The following TTN variants were observed in gnomAD, a reference collection of about 807,000 sequenced individuals.
TTN encodes titin.
In TTN, 1,525 loss-of-function variants were observed where a neutral mutation model predicts 3,223.0. The observed-to-expected ratio is 0.47, with a 90% confidence interval of 0.45 to 0.49. The LOEUF is 0.49. Among genes scored for constraint, TTN ranks in the 20% least tolerant of loss-of-function variants. TTN has a pLI of 0.00. For missense variants in TTN, 40,786 were observed against 43,424.0 expected, an observed-to-expected ratio of 0.94 and a Z score of 5.40; for synonymous variants, 14,094 against 15,161.0, an observed-to-expected ratio of 0.93 and a Z score of 5.17.
rs200594798 is a variant in TTN at position 178,724,373 on chromosome 2, T to C, written c.21002A>G (p.Lys7001Arg). 1.3e-4 allele frequency: 216 copies of C among 1,613,540 alleles called. No individual in the cohort carries two copies. In the African/African-American group the frequency reaches 2.7e-3, roughly 20 times the overall value. Reference sequence around the variant, plus strand: ...TGAGAGAATCCTTAAGGAAGAGATTTTGTTGTAGAAGCTAAATTTGTGTTT... The same window carrying C: ...TGAGAGAATCCTTAAGGAAGAGATTCTGTTGTAGAAGCTAAATTTGTGTTT... Reference protein sequence around the residue: ...SQKHKFSFYNKISSLRILSVE... With the variant: ...SQKHKFSFYNRISSLRILSVE... Residue 7001 changes from lysine to arginine, a missense_variant, in exon 72 of 363, where the codon AAA becomes AGA. Coordinates refer to ENST00000589042, the MANE Select transcript of TTN (RefSeq NM_001267550.2).
chr2:178,617,510 T>G lies in TTN; in HGVS notation c.47575A>C (p.Arg15859=). ...GTTAGGTTTACAGGAGGACTTGGTCTCTCTGGAATAAAAGAAGGAGTTGGA... is the reference window on the plus strand; with the variant it reads ...GTTAGGTTTACAGGAGGACTTGGTCGCTCTGGAATAAAAGAAGGAGTTGGA... ...PFVKVADPIE[R]PSPPVNLTSS... is the part of the protein sequence containing the mutation. Residue 15859 remains arginine (R), a splice_region_variant and synonymous_variant, in exon 254 of 363, where the codon AGA becomes CGA. Coordinates refer to ENST00000589042, the MANE Select transcript of TTN (RefSeq NM_001267550.2). The G allele has an allele frequency of 6.3e-7, 1 of 1,579,002 alleles. No individual in the cohort carries two copies. The highest frequency in any genetic ancestry group is 8.6e-7 in the Non-Finnish European group (1 of 1,169,388).
At chr2:178,785,534 T>C (rs761123018) in intron 15 of TTN, 86 bp downstream of exon 15, 6 of 1,590,496 alleles carry the variant, frequency 3.8e-6, no homozygotes, top group Non-Finnish European at 4.3e-6. Context: ...GAATCCTCCA[T>C]TGGCCTACCC....
chr2:178,798,830 T>C (rs1421135841), intron 6 of TTN: 2 of 152,838 alleles, frequency 1.3e-5, no homozygotes, highest in Middle Eastern at 3.4e-3. Context: ...TTTATACTTA[T>C]TGCCCTAAAT....
chr2:178,684,651 G>A lies in TTN; in HGVS notation c.32638+15C>T, dbSNP rs1253896411. 1.2e-6 allele frequency: 2 copies of A among 1,601,226 alleles called. No individual in the cohort carries two copies. The highest frequency in any genetic ancestry group is 1.7e-6 in the Non-Finnish European group (2 of 1,175,826). On this transcript the variant is annotated intron_variant, in intron 131 of 362. Transcript: ENST00000589042. ...CCATATGTTCCTAGTTTTTCTGCTG[G>A]GGAGGTTTGTTTACCTTTGGCTGGG...
At position 178,574,217 on chromosome 2, in the gene TTN, A is replaced by T; in HGVS notation, c.71915T>A (p.Leu23972Gln). 1 of 1,613,460 alleles carries T rather than the reference A, an allele frequency of 6.2e-7. No individual in the cohort carries two copies. The highest frequency in any genetic ancestry group is 2.2e-5 in the East Asian group (1 of 44,738). The change falls in exon 326 of 363, where the codon CTG becomes CAG. Residue 23972 changes from leucine (L) to glutamine (Q), a missense_variant. Transcript: ENST00000589042. ...EKRDLPNGRW[L>Q]KANFSNILEN... is the part of the protein sequence containing the mutation. ...CAAAATGTTGCTGAAGTTGGCCTTCAGCCACCGTCCATTAGGAAGGTCTCT... is the reference window on the plus strand; with the variant it reads ...CAAAATGTTGCTGAAGTTGGCCTTCTGCCACCGTCCATTAGGAAGGTCTCT...
At chr2:178,713,698 T>G in intron 92 of TTN, 199 bp downstream of exon 92, 1 of 814,196 alleles carries the variant, frequency 1.2e-6, no homozygotes, top group Non-Finnish European at 1.8e-6. Context: ...ATTTTGGAAA[T>G]TCCTCAAAAA....
chr2:178,736,709 T>G (rs1172137007), intron 49 of TTN, among the ~76,000 whole-genome samples: 1 of 152,208 alleles, frequency 6.6e-6, no homozygotes, highest in East Asian at 1.9e-4. Flanking sequence ...TATCTGAAGC[T>G]TCAATATTAG....
At chr2:178,736,787 G>A (rs553865074) in intron 49 of TTN, among the ~76,000 whole-genome samples, 1 of 152,256 alleles carries the variant, frequency 6.6e-6, no homozygotes, top group South Asian at 2.1e-4. Context: ...ATAATATCAT[G>A]TACTTGGTTT....
At chr2:178,734,684 G>C (rs759630547) in intron 51 of TTN, 23 bp downstream of exon 51, 2 of 1,588,964 alleles carry the variant, frequency 1.3e-6, no homozygotes, top group South Asian at 1.1e-5. Context: ...GAAAAATACT[G>C]GATGGAAACT....
intron 117 of TTN, 148 bp from the exon 118 acceptor site, chr2:178,694,156 C>A: frequency 1.7e-6 from 1 of 604,946 alleles, no homozygotes; most frequent in East Asian, 2.9e-5. Flanking sequence ...GACAAGAAAA[C>A]AAATCATGTT....
chr2:178,736,842 C>A (rs1027469880), intron 49 of TTN, among the ~76,000 whole-genome samples: 1 of 152,154 alleles, frequency 6.6e-6, no homozygotes, highest in Non-Finnish European at 1.5e-5. Flanking sequence ...GTTGGGTCAT[C>A]ATGGGCCTGG....
Position 178,578,686 on chromosome 2 carries a change from T to C in TTN, c.68254A>G (p.Ile22752Val). The C allele has an allele frequency of 4.3e-6, 7 of 1,611,590 alleles. No individual in the cohort carries two copies. Among genetic ancestry groups the C allele is most frequent in the Non-Finnish European group, 5.9e-6 (7 of 1,178,978 alleles). Residue 22752 changes from isoleucine to valine, a missense_variant, in exon 321 of 363, where the codon ATT (isoleucine) becomes GTT (valine). Coordinates refer to ENST00000589042, the MANE Select transcript of TTN (RefSeq NM_001267550.2). Reference protein sequence around the residue: ...DVPDAPPPPNIVDVRHDSVSL... With the variant: ...DVPDAPPPPNVVDVRHDSVSL... ...ACTGAATCGTGTCTGACATCCACAA[T>C]ATTGGGAGGTGGGGGAGCATCAGGC...
At chr2:178,803,665 C>A (rs2094174579) in intron 2 of TTN, among the ~76,000 whole-genome samples, 1 of 150,736 alleles carries the variant, frequency 6.6e-6, no homozygotes. Context: ...AAGAAGTGGG[C>A]AATGAACCAT....
In TTN at chr2:178,667,221, A is replaced by C. The variant is rs1391493782; in HGVS notation, c.35797+15T>G. On this transcript the variant is annotated intron_variant, in intron 162 of 362. Coordinates refer to ENST00000589042, the MANE Select transcript of TTN (RefSeq NM_001267550.2). ...ATATTTTCTTCTTTAGATTTTCCTAACTAGAGAATTATACCTTCAGTTGGA... is the reference window on the plus strand; with the variant it reads ...ATATTTTCTTCTTTAGATTTTCCTACCTAGAGAATTATACCTTCAGTTGGA... 2 of 1,579,034 alleles carry C rather than the reference A, an allele frequency of 1.3e-6. No individual in the cohort carries two copies. The highest frequency in any genetic ancestry group is 2.7e-5 in the African/African-American group (2 of 73,932).
chr2:178,712,326 A>T lies in TTN; in HGVS notation c.27596T>A (p.Ile9199Lys), dbSNP rs1207087892. 1.9e-6 allele frequency: 3 copies of T among 1,613,392 alleles called. No homozygotes were observed. In the African/African-American group the frequency reaches 4.0e-5, roughly 22 times the overall value. ...CAATCATGACAAACCTAGTATGAGT[A>T]TTTGTGCTGAACAGGAATCTTTTCC... Reference protein sequence around the residue: ...ASGKDSCSAQILILEPPYFVK... With the variant: ...ASGKDSCSAQKLILEPPYFVK... Residue 9199 changes from isoleucine (I) to lysine (K), a missense_variant, in exon 95 of 363, where the codon ATA (isoleucine) becomes AAA (lysine). Ile to Lys is a moderately radical substitution (Grantham distance 102). Coordinates refer to ENST00000589042, the MANE Select transcript of TTN (RefSeq NM_001267550.2).
Position 178,722,656 on chromosome 2 carries a change from C to T in TTN, c.22240+3G>A, listed in dbSNP as rs768904155. ...ATTTTTTTAATTTGTAAAATATCAT[C>T]ACCTTGAATTCTGAACACAGTCTTA... On this transcript the variant is annotated splice_donor_region_variant and intron_variant, in intron 76 of 362. Coordinates refer to ENST00000589042, the MANE Select transcript of TTN (RefSeq NM_001267550.2). 33 of 1,596,538 alleles carry T rather than the reference C, an allele frequency of 2.1e-5. No homozygotes were observed. The East Asian group carries it at 7.2e-4, about 35-fold the overall frequency.
intron 218 of TTN, 92 bp from the exon 219 acceptor site, chr2:178,642,409 T>A: frequency 9.2e-7 from 1 of 1,082,064 alleles, no homozygotes; most frequent in Non-Finnish European, 1.3e-6. Context: ...TAGTTAACTG[T>A]AGTGCATTAA....
At position 178,779,466 on chromosome 2, in the gene TTN, T is replaced by G; in HGVS notation, c.3730-4A>C. Reference sequence around the variant, plus strand: ...CAAAGGAAGAAATATGGAATTCCTATGCAAAAAGATTATGGTCTGTTAAAA... The same window carrying G: ...CAAAGGAAGAAATATGGAATTCCTAGGCAAAAAGATTATGGTCTGTTAAAA... On this transcript the variant is annotated splice_polypyrimidine_tract_variant and splice_region_variant and intron_variant, in intron 22 of 362. Transcript: ENST00000589042. The G allele has an allele frequency of 6.8e-7, 1 of 1,473,476 alleles. No homozygotes were observed. Among genetic ancestry groups the G allele is most frequent in the Non-Finnish European group, 9.4e-7 (1 of 1,058,488 alleles). 91.3% of individuals were successfully genotyped at this position (1,473,476 alleles called of 1,614,324 possible). A position where few individuals can be genotyped will look rare whatever the true frequency, so the allele number is the denominator to read the frequency against.
Position 178,565,702 on chromosome 2 carries a change from G to C in TTN, c.80430C>G (p.Ser26810Arg). ...MWEKPEHDGG[S>R]RVLGYVVEMQ... ...TTTCAACAACGTACCCCAGGACTCT[G>C]CTACCGCCATCATGTTCAGGTTTCT... Residue 26810 changes from serine (S) to arginine (R), a missense_variant, in exon 326 of 363, where the codon AGC becomes AGG. Ser to Arg is a moderately radical substitution (Grantham distance 110). Coordinates refer to ENST00000589042, the MANE Select transcript of TTN (RefSeq NM_001267550.2). 6.2e-7 allele frequency: 1 copy of C among 1,613,564 alleles called. No homozygotes were observed. The highest frequency in any genetic ancestry group is 1.3e-5 in the African/African-American group (1 of 74,962).
Sources: allele counts gnomAD v4.1 joint callset (sites outside exome capture counted in the v4.1 genomes callset), GRCh38; gene constraint gnomAD v4.1.1; transcripts MANE v1.5; gene names NCBI Gene and HGNC (gene_info 2026-07-23, HGNC 2026-07-21).